The following PPARGC1A variants were observed in gnomAD, a reference collection of about 807,000 sequenced individuals.
The protein encoded by PPARGC1A is PPARG coactivator 1 alpha.
Under a neutral mutation model 88.7 loss-of-function variants are expected in PPARGC1A, and 25 were observed. The observed-to-expected ratio is 0.28, with a 90% CI of 0.21 to 0.39. The LOEUF is 0.39. Among genes scored for constraint, PPARGC1A ranks in the 10% least tolerant of loss-of-function variants. The probability of loss-of-function intolerance (pLI) is 1.00; values close to 1 mark genes in which losing one functional copy is unlikely to be tolerated. For synonymous variants in PPARGC1A, 363 were observed against 355.6 expected (o/e 1.02, Z -0.24); for missense variants, 880 against 968.7 (o/e 0.91, Z 1.22).
intron 5 of PPARGC1A, 58 bp from the exon 6 acceptor site, chr4:23,824,566 T>C (rs1723589664): frequency 1.4e-6 from 2 of 1,415,606 alleles, no homozygotes; most frequent in East Asian, 2.3e-5. Flanking sequence ...AGATTTCTTT[T>C]CTCTCCACAA....
chr4:23,941,922 T>C, the PPARGC1A span, among the ~76,000 whole-genome samples: 1 of 152,160 alleles, frequency 6.6e-6, no homozygotes, highest in Non-Finnish European at 1.5e-5. Flanking sequence ...TTATCTAGAT[T>C]TGGAGACTAA....
At chr4:23,854,212 G>A (rs1577521325) in intron 2 of PPARGC1A, among the ~76,000 whole-genome samples, 1 of 152,206 alleles carries the variant, frequency 6.6e-6, no homozygotes, top group Non-Finnish European at 1.5e-5. Flanking sequence ...CTGAGTGTTA[G>A]TTCTGAGAAG....
At chr4:23,903,135 A>G (rs539293678), upstream of PPARGC1A, among the ~76,000 whole-genome samples, 12 of 152,364 alleles carry the variant, frequency 7.9e-5, no homozygotes, top group Middle Eastern at 3.4e-3. Context: ...GAAAGATTAG[A>G]TGAACCAAGG....
chr4:23,925,343 G>A, the PPARGC1A span, among the ~76,000 whole-genome samples: 1 of 152,146 alleles, frequency 6.6e-6, no homozygotes, highest in South Asian at 2.1e-4. Context: ...CAGGCCATGT[G>A]TTTATAAGTC....
the PPARGC1A span, among the ~76,000 whole-genome samples, chr4:24,246,616 A>G: frequency 1.3e-5 from 2 of 152,226 alleles, no homozygotes; most frequent in African/African-American, 2.4e-5. Context: ...ACCCTGTCAA[A>G]AATAAATTAA....
the PPARGC1A span, among the ~76,000 whole-genome samples, chr4:24,098,325 T>C: frequency 6.6e-6 from 1 of 152,170 alleles, no homozygotes; most frequent in African/African-American, 2.4e-5. Context: ...CACAGCAAAA[T>C]AGTGGCAAAT....
At chr4:24,181,638 T>C in the PPARGC1A span, among the ~76,000 whole-genome samples, 1 of 152,160 alleles carries the variant, frequency 6.6e-6, no homozygotes, top group African/African-American at 2.4e-5. Context: ...TAACTAGGTA[T>C]GGACGAGTGA....
chr4:24,387,822 AAGAGAGAAAGAG>A, the PPARGC1A span, among the ~76,000 whole-genome samples: 39 of 68,218 alleles, frequency 5.7e-4, no homozygotes, highest in East Asian at 3.8e-3. Flanking sequence ...GAAAGAAAGA[AAGAGAGAAAGAG>A]AGAAAGAGAG....
the PPARGC1A span, among the ~76,000 whole-genome samples, chr4:24,254,997 A>G: frequency 6.6e-6 from 1 of 152,160 alleles, no homozygotes; most frequent in Non-Finnish European, 1.5e-5. Context: ...TTGCCACTCC[A>G]ATTTTTAAGT....
chr4:23,851,513 T>C (rs1411632220), intron 2 of PPARGC1A, among the ~76,000 whole-genome samples: 1 of 152,156 alleles, frequency 6.6e-6, no homozygotes, highest in Non-Finnish European at 1.5e-5. Context: ...GAGCACAATA[T>C]TGAAAAAACA....
the PPARGC1A span, among the ~76,000 whole-genome samples, chr4:24,250,790 A>T: frequency 6.6e-6 from 1 of 152,220 alleles, no homozygotes; most frequent in Non-Finnish European, 1.5e-5. Context: ...ATCAAGCTAC[A>T]GTCTTTCCTT....
At chr4:24,100,087 G>T in the PPARGC1A span, among the ~76,000 whole-genome samples, 1 of 152,016 alleles carries the variant, frequency 6.6e-6, no homozygotes, top group African/African-American at 2.4e-5. Flanking sequence ...AAACCTGCAT[G>T]TTGTGCACAT....
At chr4:24,123,011 GA>G in the PPARGC1A span, among the ~76,000 whole-genome samples, 1 of 152,114 alleles carries the variant, frequency 6.6e-6, no homozygotes, top group African/African-American at 2.4e-5. Context: ...AAGTTCTGTT[GA>G]GTGTGTGTGT....
At chr4:24,079,017 A>T in the PPARGC1A span, among the ~76,000 whole-genome samples, 2 of 152,104 alleles carry the variant, frequency 1.3e-5, no homozygotes, top group African/African-American at 4.8e-5. Context: ...CGGCTTTCTC[A>T]TAGTATATCT....
At chr4:23,845,909 CTT>C (rs1728231430) in intron 2 of PPARGC1A, among the ~76,000 whole-genome samples, 1 of 152,144 alleles carries the variant, frequency 6.6e-6, no homozygotes, top group Non-Finnish European at 1.5e-5. Flanking sequence ...TGTGAAGAAT[CTT>C]TAAATACTTC....
chr4:24,276,843 G>A, the PPARGC1A span, among the ~76,000 whole-genome samples: 2 of 152,192 alleles, frequency 1.3e-5, no homozygotes, highest in African/African-American at 4.8e-5. Flanking sequence ...GGGAAGTATG[G>A]AGCACACGTG....
the PPARGC1A span, among the ~76,000 whole-genome samples, chr4:24,416,962 G>A: frequency 4.0e-5 from 6 of 150,952 alleles, no homozygotes; most frequent in African/African-American, 7.3e-5. Flanking sequence ...ACCAGGAGGC[G>A]GAGGTTGCAG....
At chr4:24,442,373 T>C in the PPARGC1A span, among the ~76,000 whole-genome samples, 1 of 152,154 alleles carries the variant, frequency 6.6e-6, no homozygotes, top group Non-Finnish European at 1.5e-5. Flanking sequence ...AAATCTTCAT[T>C]TAAAGAGGCA....
In PPARGC1A at chr4:23,813,678, G is replaced by T; in HGVS notation, c.1793+12C>A. The T allele has an allele frequency of 6.6e-7, 1 of 1,523,598 alleles. No individual in the cohort carries two copies. The highest frequency in any genetic ancestry group is 8.9e-7 in the Non-Finnish European group (1 of 1,125,384). 94.4% of individuals were successfully genotyped at this position (1,523,598 alleles called of 1,614,324 possible). On this transcript the variant is annotated intron_variant, in intron 8 of 12. Transcript: ENST00000264867. ...ACACCTTTTGTGTTATTAGGGTTTT[G>T]CCAAGGTTTACCTTGAAGAGGATCT...
Sources: allele counts gnomAD v4.1 joint callset (sites outside exome capture counted in the v4.1 genomes callset), GRCh38; gene constraint gnomAD v4.1.1; transcripts MANE v1.5; gene names NCBI Gene and HGNC (gene_info 2026-07-23, HGNC 2026-07-21).